The following CD302 variants were observed in gnomAD, a reference collection of about 807,000 sequenced individuals.
CD302 encodes the protein CD302 antigen.
In CD302, 23 loss-of-function variants were observed where a neutral mutation model predicts 26.5. That is an observed-to-expected ratio of 0.87 (90% CI 0.62 to 1.23). The LOEUF (loss-of-function observed/expected upper bound fraction) is 1.23. Among genes scored for constraint, CD302 ranks in the 50% most tolerant of loss-of-function variants. The pLI is 0.00. For missense variants in CD302, 290 were observed against 275.5 expected (o/e 1.05, Z -0.37); for synonymous variants, 90 against 99.4 (o/e 0.91, Z 0.56).
At chr2:159,775,658 A>G (rs1245122612) in intron 5 of CD302, among the ~76,000 whole-genome samples, 1 of 152,232 alleles carries the variant, frequency 6.6e-6, no homozygotes, top group Non-Finnish European at 1.5e-5. Flanking sequence ...TGTAACAAAT[A>G]CCATCTTAGG....
chr2:159,780,549 T>C (rs771264039), intron 3 of CD302, among the ~76,000 whole-genome samples: 20 of 152,254 alleles, frequency 1.3e-4, no homozygotes, highest in Non-Finnish European at 2.5e-4. Context: ...ATGATAAATA[T>C]GTTTATATAA....
chr2:159,798,051 C>A (rs961177543), intron 1 of CD302, 81 bp downstream of exon 1: 16 of 1,344,994 alleles, frequency 1.2e-5, no homozygotes, highest in Non-Finnish European at 1.3e-5. Context: ...CCCTCGGGTG[C>A]GCGGGGACGA....
chr2:159,797,149 A>G (rs984257854), intron 1 of CD302, among the ~76,000 whole-genome samples: 1 of 140,822 alleles, frequency 7.1e-6, no homozygotes, highest in African/African-American at 2.7e-5. Flanking sequence ...ACTGAGGTCC[A>G]CTGAAATATT....
chr2:159,776,211 G>A (rs1708319139), intron 5 of CD302, among the ~76,000 whole-genome samples: 1 of 151,954 alleles, frequency 6.6e-6, no homozygotes, highest in Admixed American at 6.6e-5. Flanking sequence ...GTTGTAGCAC[G>A]TGTCAGAATT....
At position 159,771,884 on chromosome 2, in the gene CD302, T is replaced by TC; in HGVS notation, c.665dup (p.Glu223ArgfsTer4). On this transcript the variant is annotated frameshift_variant, in exon 6 of 6. Transcript: ENST00000259053. LOFTEE classifies it high-confidence loss of function. Reference sequence around the variant, plus strand: ...ATTGAACAGGATATTCATTTTCTTCTCCAACTACCAAAACACAGTCTTCAT... The same window carrying TC: ...ATTGAACAGGATATTCATTTTCTTCTCCCAACTACCAAAACACAGTCTTCAT... 6.2e-7 allele frequency: 1 copy of TC among 1,614,004 alleles called. No individual in the cohort carries two copies. The highest frequency in any genetic ancestry group is 8.5e-7 in the Non-Finnish European group (1 of 1,179,906).
At chr2:159,772,117 G>C (rs1708167537) in intron 5 of CD302, 64 bp from the exon 6 acceptor site, 1 of 1,535,526 alleles carries the variant, frequency 6.5e-7, no homozygotes, top group Non-Finnish European at 8.9e-7. Context: ...AGTATATTTT[G>C]ATGAGCACAA....
Position 159,770,476 on chromosome 2 carries a change from C to A in CD302, c.*1375G>T, listed in dbSNP as rs1708106354. 6.6e-6 allele frequency: 1 copy of A among 152,124 alleles called. No homozygotes were observed. The highest frequency in any genetic ancestry group is 2.4e-5 in the African/African-American group (1 of 41,426). 9.4% of individuals were successfully genotyped at this position (152,124 alleles called of 1,614,324 possible). ...TAAAAAGAGACTACACAAGCTGGAA[C>A]TTTGTTGCCATTAGTCAAGCTAGTG... On this transcript the variant is annotated 3_prime_UTR_variant, in exon 6 of 6. Coordinates refer to ENST00000259053, the MANE Select transcript of CD302 (RefSeq NM_014880.5).
intron 1 of CD302, among the ~76,000 whole-genome samples, chr2:159,790,817 G>A (rs755589517): frequency 1.6e-4 from 24 of 152,054 alleles, no homozygotes; most frequent in Non-Finnish European, 2.8e-4. Context: ...TACAGATAGT[G>A]TTTTCTACTT....
In CD302 at chr2:159,770,890, T is replaced by TTTATC. The variant is rs1708125211; in HGVS notation, c.*956_*960dup. The TTTATC allele has an allele frequency of 6.6e-6, 1 of 152,174 alleles. No homozygotes were observed. 9.4% of individuals were successfully genotyped at this position (152,174 alleles called of 1,614,324 possible). On this transcript the variant is annotated 3_prime_UTR_variant, in exon 6 of 6. Transcript: ENST00000259053. ...TAATTTACGTGAAATTTATACATTC[T>TTTATC]TTATCTTTCCTGTTTTTGGTTTATT... is the stretch of plus-strand genomic sequence containing the variant.
Position 159,772,147 on chromosome 2 carries a change from T to C in CD302, c.497-94A>G, listed in dbSNP as rs1413194150. Reference sequence around the variant, plus strand: ...GCACAACTGTAGTTTTGTGTAAACATTTCTCTGTGTTGAGAATTTCCCACA... The same window carrying C: ...GCACAACTGTAGTTTTGTGTAAACACTTCTCTGTGTTGAGAATTTCCCACA... On this transcript the variant is annotated intron_variant, in intron 5 of 5. Transcript: ENST00000259053. The C allele has an allele frequency of 3.6e-6, 5 of 1,381,928 alleles. 1 individual carries two copies. Among genetic ancestry groups the C allele is most frequent in the Non-Finnish European group, 4.9e-6 (5 of 1,020,224 alleles). 85.6% of individuals were successfully genotyped at this position (1,381,928 alleles called of 1,614,324 possible). A position where few individuals can be genotyped will look rare whatever the true frequency, so the allele number is the denominator to read the frequency against.
At chr2:159,780,412 ATAT>A (rs1251644107) in intron 3 of CD302, among the ~76,000 whole-genome samples, 4 of 152,306 alleles carry the variant, frequency 2.6e-5, no homozygotes, top group African/African-American at 9.6e-5. Flanking sequence ...TACATGTATA[ATAT>A]TCTCATGGGA....
At chr2:159,780,543 T>C (rs1337171810) in intron 3 of CD302, among the ~76,000 whole-genome samples, 1 of 152,228 alleles carries the variant, frequency 6.6e-6, no homozygotes, top group Non-Finnish European at 1.5e-5. Context: ...ACAGTAATGA[T>C]AAATATGTTT....
intron 1 of CD302, among the ~76,000 whole-genome samples, chr2:159,791,566 G>T (rs1208827484): frequency 6.6e-6 from 1 of 152,072 alleles, no homozygotes; most frequent in African/African-American, 2.4e-5. Flanking sequence ...GATTGTTAAC[G>T]CCACGACAGC....
chr2:159,797,029 C>T (rs1682448449), intron 1 of CD302, among the ~76,000 whole-genome samples: 1 of 152,222 alleles, frequency 6.6e-6, no homozygotes, highest in South Asian at 2.1e-4. Flanking sequence ...GTTTCTGCCC[C>T]TTTGATAGGC....
chr2:159,780,801 C>G (rs886577444), intron 3 of CD302, 81 bp downstream of exon 3: 11 of 1,297,932 alleles, frequency 8.5e-6, no homozygotes, highest in Admixed American at 3.8e-5. Flanking sequence ...CAACTTGAAC[C>G]AGAGAATTGA....
intron 5 of CD302, among the ~76,000 whole-genome samples, chr2:159,776,202 T>A (rs1708318739): frequency 6.6e-6 from 1 of 151,992 alleles, no homozygotes; most frequent in East Asian, 1.9e-4. Flanking sequence ...TTTATGCATG[T>A]TGTAGCACGT....
chr2:159,796,324 T>A (rs1422851486), intron 1 of CD302, among the ~76,000 whole-genome samples: 2 of 152,218 alleles, frequency 1.3e-5, no homozygotes, highest in Non-Finnish European at 2.9e-5. Flanking sequence ...AACATTAGCA[T>A]ACATATGAAT....
chr2:159,771,625 G>C lies in CD302; in HGVS notation c.*226C>G. On this transcript the variant is annotated 3_prime_UTR_variant, in exon 6 of 6. Transcript: ENST00000259053. ...CATTCAAGTGACAGATTCTGCCTTT[G>C]ACGGGATGCTTAAAATCACTATATT... is the stretch of plus-strand genomic sequence containing the variant. 1 of 447,218 alleles carries C rather than the reference G, an allele frequency of 2.2e-6. No individual in the cohort carries two copies. The allele number at this position is 447,218 out of a possible 1,614,324, so 27.7% of individuals were successfully genotyped here. A position where few individuals can be genotyped will look rare whatever the true frequency, so the allele number is the denominator to read the frequency against.
intron 5 of CD302, 138 bp from the exon 6 acceptor site, chr2:159,772,191 AT>A: frequency 1.1e-6 from 1 of 925,236 alleles, no homozygotes; most frequent in Non-Finnish European, 1.6e-6. Context: ...AAAACCAAAA[AT>A]TTCGCATTTG....
Sources: gnomAD v4.1 joint callset for allele counts (sites outside exome capture counted in the v4.1 genomes callset) on GRCh38, gnomAD v4.1.1 for gene constraint, MANE v1.5 for transcripts, NCBI Gene and HGNC (gene_info 2026-07-23, HGNC 2026-07-21) for gene names.